HIVEP2: variants seen among roughly 807,000 people sequenced by gnomAD.
HIVEP2 encodes transcription factor HIVEP2.
A neutral mutation model predicts 180.7 loss-of-function variants in HIVEP2; 14 were observed. The ratio of observed to expected loss-of-function variants is 0.08; its 90% confidence interval spans 0.05 to 0.12. The LOEUF (loss-of-function observed/expected upper bound fraction) is 0.12, where lower values mean the gene tolerates loss of function less well. HIVEP2 is among the 10% of genes least tolerant of loss of function. HIVEP2 has a pLI of 1.00. For synonymous variants in HIVEP2, 1,184 were observed against 1,136.4 expected (o/e 1.04, Z -0.84); for missense variants, 2,579 against 3,008.5 (o/e 0.86, Z 3.34).
intron 2 of HIVEP2, among the ~76,000 whole-genome samples, chr6:142,801,340 C>T (rs1464058824): frequency 1.4e-5 from 2 of 145,828 alleles, no homozygotes. Flanking sequence ...ACCCAGGAGG[C>T]GGAGGTTGCA....
intron 1 of HIVEP2, among the ~76,000 whole-genome samples, chr6:142,936,660 A>G (rs141105466): frequency 3.3e-4 from 51 of 152,310 alleles, no homozygotes; most frequent in African/African-American, 1.0e-3. Context: ...GGGGTATTTC[A>G]TTAGTGATTT....
intron 2 of HIVEP2, among the ~76,000 whole-genome samples, chr6:142,816,422 G>C (rs751111262): frequency 2.6e-4 from 40 of 151,998 alleles, no homozygotes; most frequent in Non-Finnish European, 4.1e-4. Flanking sequence ...ATGGTCACGA[G>C]CTCTGTTATC....
intron 2 of HIVEP2, among the ~76,000 whole-genome samples, chr6:142,813,859 C>T (rs1776764351): frequency 1.3e-5 from 2 of 151,988 alleles, no homozygotes; most frequent in Admixed American, 1.3e-4. Flanking sequence ...AGCCACCATG[C>T]CTGGCCTCAG....
intron 2 of HIVEP2, among the ~76,000 whole-genome samples, chr6:142,828,070 C>G (rs920865158): frequency 2.0e-5 from 3 of 152,132 alleles, no homozygotes; most frequent in Non-Finnish European, 4.4e-5. Flanking sequence ...TCCATTGGTC[C>G]TTTCTTAGAT....
intron 1 of HIVEP2, among the ~76,000 whole-genome samples, chr6:142,906,677 A>G (rs1777271276): frequency 6.6e-6 from 1 of 152,164 alleles, no homozygotes; most frequent in African/African-American, 2.4e-5. Context: ...ATTAAATTAG[A>G]TCAAAAATAT....
chr6:142,930,874 T>C (rs1000354154), intron 1 of HIVEP2, among the ~76,000 whole-genome samples: 7 of 152,190 alleles, frequency 4.6e-5, no homozygotes, highest in Non-Finnish European at 1.5e-5. Flanking sequence ...TCTCTCCTAG[T>C]CACTCACAAA....
chr6:142,851,938 C>T (rs12194808), intron 1 of HIVEP2, among the ~76,000 whole-genome samples: 26,930 of 152,124 alleles, frequency 0.18, 2,576 homozygotes, highest in South Asian at 0.22. Context: ...ACACTTAGAA[C>T]GAAGGTCATT....
At chr6:142,828,823 A>G (rs1774989191) in intron 2 of HIVEP2, among the ~76,000 whole-genome samples, 1 of 152,212 alleles carries the variant, frequency 6.6e-6, no homozygotes, top group Non-Finnish European at 1.5e-5. Flanking sequence ...TGTCTTGCAC[A>G]TGGCTGGCTT....
intron 1 of HIVEP2, among the ~76,000 whole-genome samples, chr6:142,837,516 A>G (rs1056126201): frequency 4.5e-4 from 68 of 152,112 alleles, no homozygotes; most frequent in African/African-American, 1.6e-3. Context: ...ATCTAGACAG[A>G]TCATTTAAAC....
At chr6:142,876,273 A>G (rs1329522629) in intron 1 of HIVEP2, among the ~76,000 whole-genome samples, 1 of 152,198 alleles carries the variant, frequency 6.6e-6, no homozygotes. Context: ...TAATGTTTCC[A>G]GGGTCACAAA....
At chr6:142,826,224 T>C (rs1347491825) in intron 2 of HIVEP2, among the ~76,000 whole-genome samples, 1 of 152,238 alleles carries the variant, frequency 6.6e-6, no homozygotes, top group Admixed American at 6.5e-5. Context: ...TATGTGTATG[T>C]TTAAATAGCT....
chr6:142,802,907 A>C (rs1386238482), intron 2 of HIVEP2, among the ~76,000 whole-genome samples: 2 of 152,172 alleles, frequency 1.3e-5, no homozygotes, highest in African/African-American at 2.4e-5. Flanking sequence ...TTACAACATA[A>C]AATTCTGATT....
chr6:142,901,846 T>C (rs1430147622), intron 1 of HIVEP2, among the ~76,000 whole-genome samples: 1 of 152,074 alleles, frequency 6.6e-6, no homozygotes, highest in African/African-American at 2.4e-5. Flanking sequence ...ACTGAATCTA[T>C]CGGTTTGAAA....
chr6:142,868,497 A>G lies in HIVEP2; in HGVS notation c.-640-31450T>C, dbSNP rs529846502. Among the ~76,000 whole-genome samples, 5 of 152,306 alleles carry G rather than the reference A, an allele frequency of 3.3e-5. No homozygotes were observed. The South Asian group carries it at 1.0e-3, about 32-fold the overall frequency. On this transcript the variant is annotated intron_variant, in intron 1 of 9. Coordinates refer to ENST00000367603, the MANE Select transcript of HIVEP2 (RefSeq NM_006734.4). ...TGCTAAAATGTCCATGAAAGAGTTG[A>G]TAAGTGGACTTCTGAAATCTAACTC...
intron 1 of HIVEP2, among the ~76,000 whole-genome samples, chr6:142,879,990 C>G (rs888353833): frequency 6.6e-5 from 10 of 152,062 alleles, no homozygotes; most frequent in Non-Finnish European, 1.5e-4. Context: ...ATATAGAATA[C>G]CCTCAATTGA....
chr6:142,901,060 G>A (rs967560846), intron 1 of HIVEP2, among the ~76,000 whole-genome samples: 11 of 152,140 alleles, frequency 7.2e-5, no homozygotes, highest in African/African-American at 2.7e-4. Flanking sequence ...TTCGTATTCT[G>A]CGTGAACTCT....
At chr6:142,886,547 G>A (rs1179372233) in intron 1 of HIVEP2, among the ~76,000 whole-genome samples, 1 of 152,136 alleles carries the variant, frequency 6.6e-6, no homozygotes. Context: ...GAACAATGAA[G>A]GCAACTGGCT....
intron 1 of HIVEP2, among the ~76,000 whole-genome samples, chr6:142,873,920 G>T (rs754365953): frequency 2.6e-5 from 4 of 152,064 alleles, no homozygotes; most frequent in Non-Finnish European, 5.9e-5. Context: ...AACATCAAAA[G>T]AAACACACAG....
chr6:142,892,396 T>A (rs1297872573), intron 1 of HIVEP2, among the ~76,000 whole-genome samples: 1 of 152,098 alleles, frequency 6.6e-6, no homozygotes, highest in Non-Finnish European at 1.5e-5. Context: ...TCTTCCTACA[T>A]CCCGGCGGAG....
Sources: gnomAD v4.1 joint callset for allele counts (sites outside exome capture counted in the v4.1 genomes callset) on GRCh38, gnomAD v4.1.1 for gene constraint, MANE v1.5 for transcripts, NCBI Gene and HGNC (gene_info 2026-07-23, HGNC 2026-07-21) for gene names.